The following PLCB3 variants were observed in gnomAD, a reference collection of about 807,000 sequenced individuals.
The protein encoded by PLCB3 is phospholipase C beta 3.
In PLCB3, 54 loss-of-function variants were observed where a neutral mutation model predicts 152.1. The ratio of observed to expected loss-of-function variants is 0.36; its 90% CI spans 0.29 to 0.45. PLCB3 has a LOEUF of 0.45. PLCB3 is among the 20% of genes least tolerant of loss of function. The pLI is 1.00. For missense variants in PLCB3, 1,248 were observed against 1,687.5 expected, an observed-to-expected ratio of 0.74 and a Z score of 4.56; for synonymous variants, 717 against 698.7, an observed-to-expected ratio of 1.03 and a Z score of -0.41.
chr11:64,265,289 C>G (rs1464082731), intron 24 of PLCB3, 21 bp from the exon 25 acceptor site: 1 of 1,519,570 alleles, frequency 6.6e-7, no homozygotes, highest in Admixed American at 1.8e-5. Context: ...CCCCCGCCCA[C>G]CTTTGCTCTG....
intron 13 of PLCB3, among the ~76,000 whole-genome samples, chr11:64,259,696 C>T (rs1233410818): frequency 6.6e-6 from 1 of 152,142 alleles, no homozygotes; most frequent in African/African-American, 2.4e-5. Flanking sequence ...CTGACTTACC[C>T]CTGACCTGTA....
In PLCB3 at chr11:64,266,053, A is replaced by C. The variant is rs752019505; in HGVS notation, c.3189+14A>C. ...CACCTGAGACAGGTAGGGGGCCTGCAGTGGCCAGGGAAAGCCTGCTGGATA... is the reference window on the plus strand; with the variant it reads ...CACCTGAGACAGGTAGGGGGCCTGCCGTGGCCAGGGAAAGCCTGCTGGATA... On this transcript the variant is annotated intron_variant, in intron 26 of 30. Transcript: ENST00000279230. The surrounding 1 kb of genome is among the most constrained non-coding windows in gnomAD (Gnocchi z 4.9). 1.9e-6 allele frequency: 3 copies of C among 1,613,904 alleles called. No individual in the cohort carries two copies. The highest frequency in any genetic ancestry group is 2.5e-6 in the Non-Finnish European group (3 of 1,179,942).
rs750203129 is a variant in PLCB3, at chr11:64,258,826, G to A, written c.1254-59G>A. 79 of 1,606,856 alleles carry A rather than the reference G, an allele frequency of 4.9e-5. No individual in the cohort carries two copies. Among genetic ancestry groups the A allele is most frequent in the African/African-American group, 6.7e-5 (5 of 74,792 alleles). On this transcript the variant is annotated intron_variant, in intron 11 of 30. Transcript: ENST00000279230. The surrounding 1 kb of genome is among the most constrained non-coding windows in gnomAD (Gnocchi z 7.2). Reference sequence around the variant, plus strand: ...CTGCGAACGGCCACTGACATGTCCCGTAGACCTCAGCTTCCTCTCTGGGGG... The same window carrying A: ...CTGCGAACGGCCACTGACATGTCCCATAGACCTCAGCTTCCTCTCTGGGGG...
chr11:64,267,285 C>T lies in PLCB3; in HGVS notation c.3501+14C>T, dbSNP rs374621882. ...GAGGAGCCCAAGGTGAGGCCATGGG[C>T]GAACAGGTGGGCAGACGGGGTGCAA... On this transcript the variant is annotated intron_variant, in intron 30 of 30. Coordinates refer to ENST00000279230, the MANE Select transcript of PLCB3 (RefSeq NM_000932.5). This position sits in a 1 kb window ranked among gnomAD's most constrained non-coding sequence, Gnocchi z 5.2. The T allele has an allele frequency of 1.6e-4, 248 of 1,550,882 alleles. No homozygotes were observed. Among genetic ancestry groups the T allele is most frequent in the South Asian group, 3.1e-4 (26 of 84,050 alleles).
At position 64,261,734 on chromosome 11, in the gene PLCB3, G is replaced by T. The variant is rs2855381; in HGVS notation, c.1913+69G>T. ...GCTCGGAGGCCGGCTCCGGTGTTCT[G>T]TCCCCACATATGCCACCTGCACAGG... On this transcript the variant is annotated intron_variant, in intron 16 of 30. Transcript: ENST00000279230. 6.1e-6 allele frequency: 9 copies of T among 1,484,122 alleles called. No homozygotes were observed. In the Admixed American group the frequency reaches 6.7e-5, roughly 11 times the overall value. The allele number at this position is 1,484,122 out of a possible 1,614,324, so 91.9% of individuals were successfully genotyped here.
chr11:64,256,308 C>G, intron 8 of PLCB3, 68 bp from the exon 9 acceptor site: 2 of 1,481,154 alleles, frequency 1.4e-6, no homozygotes, highest in South Asian at 1.2e-5. Flanking sequence ...TTGCCCAGGG[C>G]AAGGGCTTGG....
chr11:64,264,955 A>G lies in PLCB3; in HGVS notation c.2657A>G (p.Gln886Arg). 1 of 1,613,122 alleles carries G rather than the reference A, an allele frequency of 6.2e-7. No individual in the cohort carries two copies. The highest frequency in any genetic ancestry group is 8.5e-7 in the Non-Finnish European group (1 of 1,179,792). Residue 886 changes from glutamine (Q) to arginine (R), a missense_variant, in exon 23 of 31, where the codon CAG (glutamine) becomes CGG (arginine). Gln to Arg is a conservative substitution (Grantham distance 43). Coordinates refer to ENST00000279230, the MANE Select transcript of PLCB3 (RefSeq NM_000932.5). ...LAALIGESEA[Q>R]AGQETCQDTQ... ...CATTCTCCTTTCTCCCTATAGGCTC[A>G]GGCTGGCCAAGAGACGTGCCAGGAC...
In PLCB3 at chr11:64,265,384, G is replaced by C; in HGVS notation, c.2917G>C (p.Asp973His). The C allele has an allele frequency of 6.2e-7, 1 of 1,612,488 alleles. No individual in the cohort carries two copies. The highest frequency in any genetic ancestry group is 1.7e-4 in the Middle Eastern group (1 of 6,058). ...LVKLRSRQER[D>H]LRELRKKHQR... ...CAAGCTCCGGAGCCGGCAAGAGCGA[G>C]ACCTGCGGGAGCTGCGCAAGAAGCA... The change falls in exon 25 of 31, where the codon GAC (aspartate) becomes CAC (histidine). Residue 973 changes from aspartate to histidine, a missense_variant. Physicochemically the swap from Asp to His is moderately conservative, Grantham distance 81 (BLOSUM62 -1). Coordinates refer to ENST00000279230, the MANE Select transcript of PLCB3 (RefSeq NM_000932.5).
rs578222753 is a variant in PLCB3, at chr11:64,261,997, C to T, written c.1959C>T (p.Arg653=). The T allele has an allele frequency of 5.0e-6, 8 of 1,614,218 alleles. No individual in the cohort carries two copies. Among genetic ancestry groups the T allele is most frequent in the East Asian group, 2.2e-5 (1 of 44,892 alleles). The part of the protein sequence containing the change: ...QLSRIYPKGT[R]VDSSNYMPQL... Reference sequence around the variant, plus strand: ...GCCGCATCTACCCCAAGGGCACCCGCGTGGACTCCTCCAACTACATGCCCC... The same window carrying T: ...GCCGCATCTACCCCAAGGGCACCCGTGTGGACTCCTCCAACTACATGCCCC... The change falls in exon 17 of 31, where the codon CGC becomes CGT. Residue 653 remains arginine, a synonymous_variant. Coordinates refer to ENST00000279230, the MANE Select transcript of PLCB3 (RefSeq NM_000932.5).
rs1157007035 is a variant in PLCB3, at chr11:64,267,207, G to A, written c.3437G>A (p.Arg1146Gln). 4.5e-6 allele frequency: 7 copies of A among 1,550,316 alleles called. No individual in the cohort carries two copies. The highest frequency in any genetic ancestry group is 2.4e-5 in the South Asian group (2 of 84,028). ...IRRLEEAQKQ[R>Q]HDRLVAGQQQ... is the part of the protein sequence containing the mutation. ...TAGCTGGAGGAGGCCCAGAAGCAGCGGCATGACCGTCTTGTGGCTGGGCAG... is the reference window on the plus strand; with the variant it reads ...TAGCTGGAGGAGGCCCAGAAGCAGCAGCATGACCGTCTTGTGGCTGGGCAG... Residue 1146 changes from arginine to glutamine, a missense_variant, in exon 30 of 31, where the codon CGG becomes CAG. Transcript: ENST00000279230. The surrounding 1 kb of genome is among the most constrained non-coding windows in gnomAD (Gnocchi z 5.2).
chr11:64,258,420 G>A lies in PLCB3; in HGVS notation c.1013-53G>A. 6.3e-7 allele frequency: 1 copy of A among 1,589,854 alleles called. No individual in the cohort carries two copies. Among genetic ancestry groups the A allele is most frequent in the Non-Finnish European group, 8.6e-7 (1 of 1,169,154 alleles). ...TCCTGGTTCCAGGTGGGGCCGGGGT[G>A]GTGAGGAGCTGGGCTGGTGGGCGGC... On this transcript the variant is annotated intron_variant, in intron 10 of 30. Coordinates refer to ENST00000279230, the MANE Select transcript of PLCB3 (RefSeq NM_000932.5). This position sits in a 1 kb window ranked among gnomAD's most constrained non-coding sequence, Gnocchi z 7.2.
intron 10 of PLCB3, among the ~76,000 whole-genome samples, chr11:64,256,997 C>CTT (rs5792316): frequency 3.2e-4 from 20 of 61,582 alleles, no homozygotes; most frequent in African/African-American, 9.4e-4. Flanking sequence ...CTTCAGGGTC[C>CTT]TTTTTTTTTT....
rs752507235 is a variant in PLCB3 at position 64,259,219 on chromosome 11, C to A, written c.1500C>A (p.Ala500=). 6.4e-7 allele frequency: 1 copy of A among 1,554,596 alleles called. No homozygotes were observed. Among genetic ancestry groups the A allele is most frequent in the Non-Finnish European group, 8.7e-7 (1 of 1,151,280 alleles). The change falls in exon 13 of 31, where the codon GCC becomes GCA. Residue 500 remains alanine (A), a synonymous_variant. Transcript: ENST00000279230. ...CTGCCCTGAGCGAGAGCTCCGCGGC[C>A]ACCGAGCCCTCCTCCCCGCAGCTGG... ...SNSALSESSA[A]TEPSSPQLGS... is the part of the protein sequence containing the mutation.
Position 64,263,769 on chromosome 11 carries a change from C to T in PLCB3, c.2534C>T (p.Ser845Leu), listed in dbSNP as rs35169799. ...LPALLIYTEA[S>L]DYIPDDHQDY... ...GCCCTGCTCATCTACACCGAAGCCT[C>T]GGACTACATTCCTGACGACCACCAG... The change falls in exon 21 of 31, where the codon TCG becomes TTG. Residue 845 changes from serine to leucine, a missense_variant. By Grantham distance (145) the Ser-to-Leu change is moderately radical (BLOSUM62 -2). Coordinates refer to ENST00000279230, the MANE Select transcript of PLCB3 (RefSeq NM_000932.5). 92,358 of 1,613,034 alleles carry T rather than the reference C, an allele frequency of 0.057. 3,014 individuals are homozygous for T. Among genetic ancestry groups the T allele is most frequent in the Non-Finnish European group, 0.064 (76,052 of 1,179,680 alleles).
chr11:64,260,573 G>A (rs564594278), intron 14 of PLCB3, among the ~76,000 whole-genome samples: 1 of 151,928 alleles, frequency 6.6e-6, no homozygotes, highest in Non-Finnish European at 1.5e-5. Flanking sequence ...GGGGAGCATT[G>A]TCATGGGGAG....
intron 1 of PLCB3, 73 bp from the exon 2 acceptor site, chr11:64,254,342 G>A (rs899783877): frequency 9.7e-6 from 12 of 1,237,822 alleles, no homozygotes; most frequent in Non-Finnish European, 1.2e-5. Flanking sequence ...GGTGCATGAT[G>A]GGAGGGCCCC....
Position 64,267,677 on chromosome 11 carries a change from A to AC in PLCB3, c.*124dup. 1.2e-6 allele frequency: 1 copy of AC among 839,660 alleles called. No homozygotes were observed. The allele number at this position is 839,660 out of a possible 1,614,324, so 52.0% of individuals were successfully genotyped here. ...TTATCTAGAAATTTTATTTTTTTAA[A>AC]CCCGGGGCAAGTACCTCAGCTAACT... On this transcript the variant is annotated 3_prime_UTR_variant, in exon 31 of 31. Coordinates refer to ENST00000279230, the MANE Select transcript of PLCB3 (RefSeq NM_000932.5). This position sits in a 1 kb window ranked among gnomAD's most constrained non-coding sequence, Gnocchi z 5.2.
At position 64,266,618 on chromosome 11, in the gene PLCB3, A is replaced by C; in HGVS notation, c.3414+66A>C. On this transcript the variant is annotated intron_variant, in intron 29 of 30. Transcript: ENST00000279230. The surrounding 1 kb of genome is among the most constrained non-coding windows in gnomAD (Gnocchi z 4.9). ...CTTCACTCATCAGACACCCATCTCC[A>C]TGCCTGGCCTGGTGCCACGTTGCCC... 8.6e-5 allele frequency: 127 copies of C among 1,478,644 alleles called. No homozygotes were observed. The highest frequency in any genetic ancestry group is 1.7e-4 in the Middle Eastern group (1 of 5,816). The allele number at this position is 1,478,644 out of a possible 1,614,324, so 91.6% of individuals were successfully genotyped here. A position where few individuals can be genotyped will look rare whatever the true frequency, so the allele number is the denominator to read the frequency against.
In PLCB3 at chr11:64,255,683, C is replaced by G. The variant is rs776532182; in HGVS notation, c.598-38C>G. 1 of 1,607,164 alleles carries G rather than the reference C, an allele frequency of 6.2e-7. No homozygotes were observed. Among genetic ancestry groups the G allele is most frequent in the Non-Finnish European group, 8.5e-7 (1 of 1,174,454 alleles). On this transcript the variant is annotated intron_variant, in intron 7 of 30. Coordinates refer to ENST00000279230, the MANE Select transcript of PLCB3 (RefSeq NM_000932.5). The surrounding 1 kb of genome is among the most constrained non-coding windows in gnomAD (Gnocchi z 6.8). ...GGGCACCCACCCTTACGGGGCTGCC[C>G]GCCCCTGGCTTCTCACCCCACACTC...
Sources: allele counts gnomAD v4.1 joint callset (sites outside exome capture counted in the v4.1 genomes callset), GRCh38; gene constraint gnomAD v4.1.1; non-coding constraint Gnocchi (gnomAD v3.1); transcripts MANE v1.5; gene names NCBI Gene and HGNC (gene_info 2026-07-23, HGNC 2026-07-21).